The following XKR4 variants were observed in gnomAD, a reference collection of about 807,000 sequenced individuals.
XKR4 encodes XK-related protein 4.
A neutral mutation model predicts 53.9 loss-of-function variants in XKR4; 12 were observed. That is an observed-to-expected ratio of 0.22 (90% CI 0.14 to 0.36). XKR4 has a LOEUF of 0.36. XKR4 is among the 10% of genes least tolerant of loss of function. The pLI is 1.00. For synonymous variants in XKR4, 354 were observed against 362.4 expected (o/e 0.98, Z 0.26); for missense variants, 799 against 859.5 (o/e 0.93, Z 0.88).
chr8:55,171,350 T>C (rs1330042140), intron 1 of XKR4, among the ~76,000 whole-genome samples: 1 of 152,266 alleles, frequency 6.6e-6, no homozygotes, highest in East Asian at 1.9e-4. Flanking sequence ...GAGATGAGGC[T>C]TGGGGACAGG....
intron 1 of XKR4, among the ~76,000 whole-genome samples, chr8:55,125,380 A>G (rs575161853): frequency 4.6e-5 from 7 of 152,174 alleles, no homozygotes; most frequent in Non-Finnish European, 1.0e-4. Context: ...GATTACAGGC[A>G]TGCGTCACCA....
chr8:55,438,909 CTG>C (rs1263960060), intron 2 of XKR4, among the ~76,000 whole-genome samples: 1 of 152,072 alleles, frequency 6.6e-6, no homozygotes, highest in Non-Finnish European at 1.5e-5. Flanking sequence ...GACAGAGAAA[CTG>C]AGTTTTAATG....
intron 1 of XKR4, among the ~76,000 whole-genome samples, chr8:55,299,938 C>A (rs770575389): frequency 6.6e-6 from 1 of 152,072 alleles, no homozygotes; most frequent in East Asian, 1.9e-4. Flanking sequence ...CCAACTCACA[C>A]TCACTGAAAC....
At chr8:55,202,342 G>A (rs1817586702) in intron 1 of XKR4, among the ~76,000 whole-genome samples, 1 of 152,122 alleles carries the variant, frequency 6.6e-6, no homozygotes, top group Admixed American at 6.5e-5. Context: ...GAGTTGCCTC[G>A]GGAGGTTTAT....
intron 2 of XKR4, chr8:55,452,456 CT>C: frequency 1.6e-6 from 1 of 627,028 alleles, no homozygotes; most frequent in Non-Finnish European, 2.9e-6. Flanking sequence ...CCCTCGCACC[CT>C]CCTCACGCCC....
intron 1 of XKR4, among the ~76,000 whole-genome samples, chr8:55,129,649 G>A (rs190785582): frequency 1.3e-5 from 2 of 152,274 alleles, no homozygotes; most frequent in Non-Finnish European, 2.9e-5. Flanking sequence ...AAGAGGGGAT[G>A]GAGAGGAATA....
chr8:55,394,107 C>G (rs1303040941), intron 2 of XKR4, among the ~76,000 whole-genome samples: 3 of 152,210 alleles, frequency 2.0e-5, no homozygotes, highest in African/African-American at 7.2e-5. Flanking sequence ...TGATAAAACT[C>G]AACTGCTTTT....
intron 2 of XKR4, among the ~76,000 whole-genome samples, chr8:55,421,678 G>A (rs917185900): frequency 6.6e-6 from 1 of 152,154 alleles, no homozygotes; most frequent in Non-Finnish European, 1.5e-5. Context: ...TACACGCCTG[G>A]GTTTTAGACT....
chr8:55,137,744 A>AT (rs1415876518), intron 1 of XKR4, among the ~76,000 whole-genome samples: 3 of 151,332 alleles, frequency 2.0e-5, no homozygotes, highest in East Asian at 1.9e-4. Flanking sequence ...TTATTTATTT[A>AT]TTTTTTTTGT....
intron 1 of XKR4, among the ~76,000 whole-genome samples, chr8:55,307,569 G>A (rs139196018): frequency 2.0e-5 from 3 of 152,010 alleles, no homozygotes; most frequent in Non-Finnish European, 2.9e-5. Context: ...TGGAAGGATC[G>A]CTTGAGCCTG....
At chr8:55,160,894 A>G (rs931415615) in intron 1 of XKR4, among the ~76,000 whole-genome samples, 18 of 152,242 alleles carry the variant, frequency 1.2e-4, no homozygotes, top group African/African-American at 4.1e-4. Flanking sequence ...TTCCATTAAT[A>G]AAATTCACAC....
intron 2 of XKR4, among the ~76,000 whole-genome samples, chr8:55,401,398 G>A (rs1047343128): frequency 1.3e-5 from 2 of 152,240 alleles, no homozygotes; most frequent in African/African-American, 4.8e-5. Context: ...GTTCCTGGAA[G>A]TTCACTAAAG....
chr8:55,338,055 C>G (rs951207043), intron 1 of XKR4, among the ~76,000 whole-genome samples: 1 of 152,044 alleles, frequency 6.6e-6, no homozygotes, highest in Non-Finnish European at 1.5e-5. Flanking sequence ...CCCTGTACGA[C>G]AAAGCTAATT....
At chr8:55,190,730 A>C (rs1004142318) in intron 1 of XKR4, among the ~76,000 whole-genome samples, 1 of 152,164 alleles carries the variant, frequency 6.6e-6, no homozygotes, top group African/African-American at 2.4e-5. Flanking sequence ...CACTTGTTTT[A>C]AAGTATGTTG....
intron 2 of XKR4, among the ~76,000 whole-genome samples, chr8:55,448,438 C>G (rs2622587): frequency 0.26 from 39,111 of 152,150 alleles, 5,489 homozygotes; most frequent in Non-Finnish European, 0.33. Context: ...AAAATGAATC[C>G]AGGCAAACCC....
At chr8:55,104,854 T>C (rs1287777647) in intron 1 of XKR4, among the ~76,000 whole-genome samples, 1 of 152,232 alleles carries the variant, frequency 6.6e-6, no homozygotes, top group East Asian at 1.9e-4. Flanking sequence ...CTTGATGCTC[T>C]TCAAGTATGA....
At chr8:55,380,989 A>G (rs1313396671) in intron 2 of XKR4, among the ~76,000 whole-genome samples, 1 of 152,220 alleles carries the variant, frequency 6.6e-6, no homozygotes, top group Non-Finnish European at 1.5e-5. Context: ...TGGATCTAAT[A>G]TTTAGGTAAC....
At chr8:55,125,538 T>C (rs1816454280) in intron 1 of XKR4, among the ~76,000 whole-genome samples, 1 of 152,180 alleles carries the variant, frequency 6.6e-6, no homozygotes, top group African/African-American at 2.4e-5. Context: ...CCAGCCTTGG[T>C]TTTTTATTTC....
chr8:55,239,718 T>C (rs926453185), intron 1 of XKR4, among the ~76,000 whole-genome samples: 1 of 152,198 alleles, frequency 6.6e-6, no homozygotes, highest in African/African-American at 2.4e-5. Flanking sequence ...ATACATCTGG[T>C]CATGACCCTT....
Sources: allele counts gnomAD v4.1 joint callset (sites outside exome capture counted in the v4.1 genomes callset), GRCh38; gene constraint gnomAD v4.1.1; transcripts MANE v1.5; gene names NCBI Gene and HGNC (gene_info 2026-07-23, HGNC 2026-07-21).